KLF13: variants seen among roughly 807,000 people sequenced by gnomAD.
KLF13 encodes the protein Krueppel-like factor 13.
A neutral mutation model predicts 16.7 loss-of-function variants in KLF13; 8 were observed. That is an observed-to-expected ratio of 0.48 (90% CI 0.28 to 0.87). KLF13 has a LOEUF of 0.87. KLF13 is among the 40% of genes least tolerant of loss of function. KLF13 has a pLI of 0.10. For synonymous variants in KLF13, 245 were observed against 208.4 expected (o/e 1.18, Z -1.51); for missense variants, 447 against 452.2 (o/e 0.99, Z 0.10).
chr15:31,433,751 C>A (rs1197780273), intron 1 of KLF13, among the ~76,000 whole-genome samples: 1 of 151,774 alleles, frequency 6.6e-6, no homozygotes, highest in Admixed American at 6.6e-5. Flanking sequence ...GGTCTGGAAG[C>A]AGTGGTGCCC....
At chr15:31,382,571 A>T (rs746867737), downstream of KLF13, among the ~76,000 whole-genome samples, 737 of 152,222 alleles carry the variant, frequency 4.8e-3, 5 homozygotes, top group Middle Eastern at 0.014. Flanking sequence ...GTGACTTAGC[A>T]TTTTTCTGGC....
intron 1 of KLF13, among the ~76,000 whole-genome samples, chr15:31,339,311 A>G (rs1251465884): frequency 6.6e-6 from 1 of 151,992 alleles, no homozygotes; most frequent in Non-Finnish European, 1.5e-5. Context: ...CCTGGTTTCT[A>G]TAATTTCTTA....
chr15:31,364,561 C>G (rs1398601412), intron 1 of KLF13, among the ~76,000 whole-genome samples: 1 of 152,258 alleles, frequency 6.6e-6, no homozygotes, highest in East Asian at 1.9e-4. Context: ...CACTGTGCAG[C>G]AGGCATGTGC....
At chr15:31,420,079 A>G in intron 1 of KLF13, 1 of 365,936 alleles carries the variant, frequency 2.7e-6, no homozygotes, top group Non-Finnish European at 5.3e-6. Flanking sequence ...AACCAAGAAT[A>G]TTATAACCAA....
At chr15:31,361,194 C>T (rs1012007155) in intron 1 of KLF13, among the ~76,000 whole-genome samples, 4 of 152,140 alleles carry the variant, frequency 2.6e-5, no homozygotes, top group East Asian at 3.9e-4. Context: ...AGGGTAGCCT[C>T]GCCGCACTGT....
At chr15:31,343,532 A>G (rs1465016404) in intron 1 of KLF13, among the ~76,000 whole-genome samples, 6 of 152,178 alleles carry the variant, frequency 3.9e-5, no homozygotes, top group African/African-American at 1.2e-4. Flanking sequence ...TCCAGTGGGG[A>G]CCCACAGGTG....
At chr15:31,335,770 C>G (rs2038920258) in intron 1 of KLF13, among the ~76,000 whole-genome samples, 1 of 152,180 alleles carries the variant, frequency 6.6e-6, no homozygotes, top group Admixed American at 6.5e-5. Context: ...TATGCTGGTG[C>G]CACAGGGGTG....
chr15:31,395,666 T>C (rs1473898510), intron 2 of KLF13, among the ~76,000 whole-genome samples: 1 of 152,236 alleles, frequency 6.6e-6, no homozygotes, highest in East Asian at 1.9e-4. Context: ...TCCTCCTTTT[T>C]GTTCATAGCC....
chr15:31,431,831 G>A (rs1408330585), intron 1 of KLF13, among the ~76,000 whole-genome samples: 3 of 152,214 alleles, frequency 2.0e-5, no homozygotes, highest in African/African-American at 4.8e-5. Context: ...AACACTGCAC[G>A]ATTCAATTTC....
chr15:31,410,483 T>A (rs1469827410), intron 1 of KLF13, among the ~76,000 whole-genome samples: 1 of 152,074 alleles, frequency 6.6e-6, no homozygotes, highest in Non-Finnish European at 1.5e-5. Flanking sequence ...ATCCAAATTG[T>A]ATGTTGTCAA....
downstream of KLF13, among the ~76,000 whole-genome samples, chr15:31,409,009 G>T (rs920522511): frequency 1.3e-5 from 2 of 152,130 alleles, no homozygotes; most frequent in Admixed American, 6.5e-5. Context: ...AACCAGGCAG[G>T]CATGGTGGCT....
At chr15:31,340,203 C>A (rs746330640) in intron 1 of KLF13, among the ~76,000 whole-genome samples, 4 of 152,274 alleles carry the variant, frequency 2.6e-5, no homozygotes, top group Non-Finnish European at 5.9e-5. Flanking sequence ...TGTGGGTCCT[C>A]TCTCCACTGC....
Position 31,374,849 on chromosome 15 carries a change from C to A in KLF13, c.*2550C>A. ...AAAGAAGAGCTGGTTTGTTTTAGAG[C>A]AGGGCGGGGGGTGGGGGAGGGAAGC... On this transcript the variant is annotated 3_prime_UTR_variant, in exon 2 of 2. Coordinates refer to ENST00000307145, the MANE Select transcript of KLF13 (RefSeq NM_015995.4). 1 of 113,754 alleles carries A rather than the reference C, an allele frequency of 8.8e-6. No homozygotes were observed. The highest frequency in any genetic ancestry group is 1.7e-5 in the Non-Finnish European group (1 of 59,110). 7.0% of individuals were successfully genotyped at this position (113,754 alleles called of 1,614,324 possible).
chr15:31,418,474 A>G (rs2040282815), intron 1 of KLF13, among the ~76,000 whole-genome samples: 1 of 152,208 alleles, frequency 6.6e-6, no homozygotes, highest in Non-Finnish European at 1.5e-5. Context: ...GAGATGATAT[A>G]CTTTAGTAAC....
intron 1 of KLF13, among the ~76,000 whole-genome samples, chr15:31,367,677 C>G (rs916656873): frequency 1.3e-5 from 2 of 152,176 alleles, no homozygotes; most frequent in Non-Finnish European, 2.9e-5. Context: ...ACCAACAGGC[C>G]CAAATCAGAG....
At chr15:31,397,259 G>T (rs2039966073) in intron 2 of KLF13, among the ~76,000 whole-genome samples, 1 of 150,172 alleles carries the variant, frequency 6.7e-6, no homozygotes. Flanking sequence ...GCAGGGCAGG[G>T]CAGGGCAGGG....
At chr15:31,358,433 G>A (rs1484385416) in intron 1 of KLF13, among the ~76,000 whole-genome samples, 1 of 152,146 alleles carries the variant, frequency 6.6e-6, no homozygotes, top group African/African-American at 2.4e-5. Flanking sequence ...TCAGTGTTTT[G>A]GATTTTAACC....
chr15:31,364,181 T>C (rs1374512631), intron 1 of KLF13, among the ~76,000 whole-genome samples: 2 of 152,188 alleles, frequency 1.3e-5, no homozygotes, highest in East Asian at 3.8e-4. Context: ...TGTGTGTTTT[T>C]CTGTATGAAT....
intron 1 of KLF13, among the ~76,000 whole-genome samples, chr15:31,413,206 A>AAAAAAAAAAAAAAAAAC (rs1566843740): frequency 6.9e-6 from 1 of 145,516 alleles, no homozygotes; most frequent in Non-Finnish European, 1.5e-5. Flanking sequence ...AAAAAAACAA[A>AAAAAAAAAAAAAAAAAC]AAACAAAAAA....
Sources: allele counts gnomAD v4.1 joint callset (sites outside exome capture counted in the v4.1 genomes callset), GRCh38; gene constraint gnomAD v4.1.1; transcripts MANE v1.5; gene names NCBI Gene and HGNC (gene_info 2026-07-23, HGNC 2026-07-21).